MAP4K5: variants seen among roughly 807,000 people sequenced by gnomAD.
MAP4K5 encodes the protein MAPK/ERK kinase kinase kinase 5.
Under a neutral mutation model 135.6 loss-of-function variants are expected in MAP4K5, and 82 were observed. The observed-to-expected ratio is 0.60, with a 90% confidence interval of 0.51 to 0.73. MAP4K5 has a LOEUF of 0.73. MAP4K5 is among the 30% of genes least tolerant of loss of function. The pLI, the probability that MAP4K5 is intolerant of heterozygous loss-of-function variation, is 0.00. For synonymous variants in MAP4K5, 347 were observed against 335.0 expected (o/e 1.04, Z -0.39); for missense variants, 907 against 1,010.9 (o/e 0.90, Z 1.39).
In MAP4K5 at chr14:50,437,514, T is replaced by G; in HGVS notation, c.1844A>C (p.Lys615Thr). Residue 615 changes from lysine to threonine, a missense_variant, in exon 26 of 33, where the codon AAG becomes ACG. Lys to Thr is a moderately conservative substitution (Grantham distance 78, BLOSUM62 -1). Around this residue, in one of 3 missense-constraint regions of MAP4K5, gnomAD observed 690 missense variants for 777.4 expected, o/e 0.89. Coordinates refer to ENST00000682126, the MANE Select transcript of MAP4K5 (RefSeq NM_006575.6). Reference sequence around the variant, plus strand: ...GTGGCAGCCTTTTGTATCAGGAATCTTTGTTGTTAAAGCGAATTTTCTGAA... The same window carrying G: ...GTGGCAGCCTTTTGTATCAGGAATCGTTGTTGTTAAAGCGAATTTTCTGAA... ...ILPRKFALTT[K>T]IPDTKGCHKC... is the part of the protein sequence containing the mutation. 1 of 1,603,362 alleles carries G rather than the reference T, an allele frequency of 6.2e-7. No homozygotes were observed. The highest frequency in any genetic ancestry group is 8.5e-7 in the Non-Finnish European group (1 of 1,175,432).
rs540506099 is a variant in MAP4K5, at chr14:50,454,072, T to C, written c.1015+2444A>G. Reference sequence around the variant, plus strand: ...GAATGGATAAATTGTGGTATGGTCATACAATGGAATACTACAGTGTAGTGA... The same window carrying C: ...GAATGGATAAATTGTGGTATGGTCACACAATGGAATACTACAGTGTAGTGA... On this transcript the variant is annotated intron_variant, in intron 14 of 32. Transcript: ENST00000682126. 5.9e-5 allele frequency among the ~76,000 whole-genome samples: 9 copies of C among 152,278 alleles called. No homozygotes were observed. The East Asian group carries it at 1.7e-3, about 29-fold the overall frequency.
chr14:50,521,416 A>G (rs2140091985), intron 2 of MAP4K5, among the ~76,000 whole-genome samples: 2 of 152,352 alleles, frequency 1.3e-5, no homozygotes, highest in South Asian at 4.1e-4. Context: ...GCTTGGAATA[A>G]TGGAAAGAGC....
chr14:50,439,480 C>A (rs1595436842), intron 23 of MAP4K5, among the ~76,000 whole-genome samples: 1 of 152,106 alleles, frequency 6.6e-6, no homozygotes, highest in Non-Finnish European at 1.5e-5. Flanking sequence ...GTGTCCAGAA[C>A]AACATGAATT....
At chr14:50,448,941 A>C (rs2036421921) in intron 14 of MAP4K5, 109 bp from the exon 15 acceptor site, 4 of 652,036 alleles carry the variant, frequency 6.1e-6, no homozygotes, top group Admixed American at 3.0e-5. Flanking sequence ...AGAAGAGGGG[A>C]AAGAAGACAA....
At chr14:50,436,625 G>T (rs951010702) in intron 26 of MAP4K5, among the ~76,000 whole-genome samples, 2 of 152,022 alleles carry the variant, frequency 1.3e-5, no homozygotes, top group Non-Finnish European at 2.9e-5. Context: ...TAGTGGGGCT[G>T]CATACTGAGA....
At chr14:50,550,111 A>AGG in intron 1 of MAP4K5, among the ~76,000 whole-genome samples, 1 of 152,260 alleles carries the variant, frequency 6.6e-6, no homozygotes, top group South Asian at 2.1e-4. Context: ...TCTTTGAGGG[A>AGG]GGTCTGAGAG....
chr14:50,508,381 G>T (rs1595527603), intron 2 of MAP4K5, among the ~76,000 whole-genome samples: 1 of 152,252 alleles, frequency 6.6e-6, no homozygotes, highest in Non-Finnish European at 1.5e-5. Context: ...GGAATACCAT[G>T]CAGCCATAAA....
chr14:50,505,033 A>G (rs1218132739), intron 2 of MAP4K5, 176 bp from the exon 3 acceptor site: 5 of 465,270 alleles, frequency 1.1e-5, no homozygotes, highest in Non-Finnish European at 1.9e-5. Context: ...AATATAGATA[A>G]GACACAAAAG....
intron 2 of MAP4K5, among the ~76,000 whole-genome samples, chr14:50,520,425 C>T (rs1398502089): frequency 8.6e-5 from 13 of 152,038 alleles, no homozygotes; most frequent in Admixed American, 2.6e-4. Context: ...TGCTTGAACC[C>T]GGGAGGCGAA....
chr14:50,518,332 G>C (rs1477985279), intron 2 of MAP4K5, among the ~76,000 whole-genome samples: 1 of 151,988 alleles, frequency 6.6e-6, no homozygotes, highest in African/African-American at 2.4e-5. Flanking sequence ...TTGTTACATA[G>C]GTATATGTGT....
At chr14:50,479,249 T>C (rs1473046173) in intron 6 of MAP4K5, among the ~76,000 whole-genome samples, 1 of 151,610 alleles carries the variant, frequency 6.6e-6, no homozygotes, top group Non-Finnish European at 1.5e-5. Context: ...ACCAATTATA[T>C]CCATATTAGG....
At position 50,468,769 on chromosome 14, in the gene MAP4K5, C is replaced by A. The variant is rs1426514608; in HGVS notation, c.556G>T (p.Val186Phe). The A allele has an allele frequency of 6.2e-7, 1 of 1,610,022 alleles. No homozygotes were observed. The highest frequency in any genetic ancestry group is 8.5e-7 in the Non-Finnish European group (1 of 1,177,862). The change falls in exon 10 of 33, where the codon GTT becomes TTT. Residue 186 changes from valine to phenylalanine, a missense_variant. Around this residue, in one of 3 missense-constraint regions of MAP4K5, gnomAD observed 21 missense variants for 44.2 expected, o/e 0.47. Coordinates refer to ENST00000682126, the MANE Select transcript of MAP4K5 (RefSeq NM_006575.6). ...IGTPYWMAPE[V>F]AAVEKNGGYN... Reference sequence around the variant, plus strand: ...CCACCATTCTTCTCTACTGCTGCAACTTCTGGGGCCATCCTAGAAGGAATC... The same window carrying A: ...CCACCATTCTTCTCTACTGCTGCAAATTCTGGGGCCATCCTAGAAGGAATC...
At chr14:50,551,962 TACCC>T (rs1428357435) in intron 1 of MAP4K5, among the ~76,000 whole-genome samples, 1 of 152,042 alleles carries the variant, frequency 6.6e-6, no homozygotes, top group African/African-American at 2.4e-5. Flanking sequence ...AAGACAAGAA[TACCC>T]ACTTTCACCA....
chr14:50,497,277 A>G (rs1014257736), intron 3 of MAP4K5, among the ~76,000 whole-genome samples: 5 of 152,250 alleles, frequency 3.3e-5, no homozygotes, highest in African/African-American at 1.2e-4. Flanking sequence ...AGTAAACAAC[A>G]CTAACCTTTA....
At chr14:50,557,081 T>G (rs2038773948) in intron 1 of MAP4K5, among the ~76,000 whole-genome samples, 1 of 152,236 alleles carries the variant, frequency 6.6e-6, no homozygotes, top group African/African-American at 2.4e-5. Context: ...TCCCAAAGTA[T>G]CTGCACCATT....
chr14:50,468,346 T>G (rs1244522633), intron 10 of MAP4K5: 8 of 243,278 alleles, frequency 3.3e-5, no homozygotes, highest in Non-Finnish European at 6.2e-5. Flanking sequence ...TACAGACAAT[T>G]TACTCTTATG....
chr14:50,460,970 T>A (rs1019660240), intron 13 of MAP4K5, among the ~76,000 whole-genome samples: 1 of 152,184 alleles, frequency 6.6e-6, no homozygotes, highest in East Asian at 1.9e-4. Flanking sequence ...TAGAAATTAT[T>A]TGGCCTAATA....
intron 21 of MAP4K5, among the ~76,000 whole-genome samples, chr14:50,442,433 T>C (rs577152538): frequency 3.3e-5 from 5 of 152,250 alleles, no homozygotes; most frequent in African/African-American, 9.6e-5. Flanking sequence ...TTCTTACTAA[T>C]TGAGATTATA....
At chr14:50,429,769 T>A (rs546681936) in intron 28 of MAP4K5, among the ~76,000 whole-genome samples, 1 of 152,200 alleles carries the variant, frequency 6.6e-6, no homozygotes, top group Non-Finnish European at 1.5e-5. Flanking sequence ...TGGGTGGGAG[T>A]TCTTTTACAA....
Sources: allele counts gnomAD v4.1 joint callset (sites outside exome capture counted in the v4.1 genomes callset), GRCh38; gene constraint gnomAD v4.1.1; regional missense constraint gnomAD v4.1.1; transcripts MANE v1.5; gene names NCBI Gene and HGNC (gene_info 2026-07-23, HGNC 2026-07-21).